Variants in TCF12 observed in about 807,000 individuals in gnomAD.
TCF12 encodes the protein transcription factor 12, also known as DNA-binding protein HTF4.
TCF12 carries 45 observed loss-of-function variants against 86.0 expected under a neutral mutation model. That is an observed-to-expected ratio of 0.52 (90% confidence interval 0.41 to 0.67). The LOEUF is 0.67. TCF12 is among the 30% of genes least tolerant of loss of function. The pLI is 0.00. For missense variants in TCF12, 881 were observed against 859.9 expected (o/e 1.02, Z -0.31); for synonymous variants, 330 against 299.6 (o/e 1.10, Z -1.05).
chr15:57,058,255 C>T (rs2068186114), intron 3 of TCF12, among the ~76,000 whole-genome samples: 2 of 152,188 alleles, frequency 1.3e-5, no homozygotes, highest in Non-Finnish European at 2.9e-5. Context: ...TGGCCCTGTA[C>T]TCTTACTTCT....
In TCF12 at chr15:56,932,561, A is replaced by AATT. The variant is rs149263796; in HGVS notation, c.148+11482_148+11484dup. ...AAAGTGCTTCAAGATTTATTTATTT[A>AATT]ATTATTATTATTATTATTATTTTGG... On this transcript the variant is annotated intron_variant, in intron 3 of 20. Coordinates refer to ENST00000333725, the MANE Select transcript of TCF12 (RefSeq NM_207037.2). 7.3e-5 allele frequency among the ~76,000 whole-genome samples: 11 copies of AATT among 151,670 alleles called. No homozygotes were observed. The East Asian group carries it at 9.6e-4, about 13-fold the overall frequency.
At chr15:57,025,198 G>T (rs994194728) in intron 3 of TCF12, among the ~76,000 whole-genome samples, 2 of 152,006 alleles carry the variant, frequency 1.3e-5, no homozygotes, top group African/African-American at 4.8e-5. Context: ...TTTTGCCTCA[G>T]CCTCCCTAGT....
At chr15:57,189,036 G>T (rs2056838748) in intron 6 of TCF12, among the ~76,000 whole-genome samples, 1 of 152,166 alleles carries the variant, frequency 6.6e-6, no homozygotes, top group Non-Finnish European at 1.5e-5. Flanking sequence ...AGATCTTCCT[G>T]CCTCAGCTTC....
chr15:56,930,479 C>G lies in TCF12; in HGVS notation c.148+9381C>G, dbSNP rs146210803. 5.4e-3 allele frequency among the ~76,000 whole-genome samples: 822 copies of G among 152,248 alleles called. 4 individuals carry two copies. The highest frequency in any genetic ancestry group is 0.019 in the African/African-American group (771 of 41,548). On this transcript the variant is annotated intron_variant, in intron 3 of 20. Coordinates refer to ENST00000333725, the MANE Select transcript of TCF12 (RefSeq NM_207037.2). ...AACTTTGTCATGTGGTCCGGAGGCC[C>G]ATTTACTTAATCTACTTGGTACTGA...
At chr15:56,972,624 A>G (rs2062396076) in intron 3 of TCF12, among the ~76,000 whole-genome samples, 1 of 152,196 alleles carries the variant, frequency 6.6e-6, no homozygotes. Flanking sequence ...AACCACAGAC[A>G]CAGTTAGTAG....
At chr15:56,963,624 T>C (rs1287057201) in intron 3 of TCF12, among the ~76,000 whole-genome samples, 1 of 152,220 alleles carries the variant, frequency 6.6e-6, no homozygotes, top group Non-Finnish European at 1.5e-5. Flanking sequence ...TTTTATTTCA[T>C]TGGCTTTCAT....
chr15:56,925,862 A>G (rs543040929), intron 3 of TCF12, among the ~76,000 whole-genome samples: 2 of 152,250 alleles, frequency 1.3e-5, no homozygotes, highest in Non-Finnish European at 2.9e-5. Flanking sequence ...CAAACACTTA[A>G]ATATATTCAA....
chr15:57,207,148 T>G (rs2057864183), intron 8 of TCF12, among the ~76,000 whole-genome samples: 1 of 152,062 alleles, frequency 6.6e-6, no homozygotes, highest in South Asian at 2.1e-4. Flanking sequence ...TAAAGATAGT[T>G]GCTGGCAGCT....
At chr15:57,234,285 A>C (rs184441144) in intron 12 of TCF12, among the ~76,000 whole-genome samples, 178 bp downstream of exon 12, 1 of 152,322 alleles carries the variant, frequency 6.6e-6, no homozygotes, top group East Asian at 1.9e-4. Context: ...TGCCTGTGGT[A>C]CAGCAAATGC....
At chr15:57,245,572 A>G (rs748572789) in intron 13 of TCF12, among the ~76,000 whole-genome samples, 1 of 152,180 alleles carries the variant, frequency 6.6e-6, no homozygotes, top group African/African-American at 2.4e-5. Context: ...TTTGGTTTTA[A>G]TGAACACTGA....
intron 3 of TCF12, among the ~76,000 whole-genome samples, chr15:56,941,557 T>A (rs1339169465): frequency 6.6e-6 from 1 of 151,936 alleles, no homozygotes; most frequent in Non-Finnish European, 1.5e-5. Flanking sequence ...TATTTTTCAG[T>A]AGAGACAGGG....
At chr15:56,981,106 A>G (rs776772548) in intron 3 of TCF12, among the ~76,000 whole-genome samples, 15 of 152,236 alleles carry the variant, frequency 9.9e-5, no homozygotes, top group Non-Finnish European at 2.1e-4. Context: ...TGTGGGGGAC[A>G]CTACATTTAT....
chr15:57,063,776 T>C lies in TCF12; in HGVS notation c.175T>C (p.Ser59Pro). Residue 59 changes from serine (S) to proline (P), a missense_variant, in exon 4 of 21, where the codon TCT becomes CCT. Coordinates refer to ENST00000333725, the MANE Select transcript of TCF12 (RefSeq NM_207037.2). ...SGIDERGGTT[S>P]WGTSGQPSPS... is the part of the protein sequence containing the mutation. ...TATTGATGAAAGAGGAGGTACAACA[T>C]CTTGGGGAACAAGTGGTCAACCAAG... 6.2e-7 allele frequency: 1 copy of C among 1,603,686 alleles called. No individual in the cohort carries two copies. The highest frequency in any genetic ancestry group is 8.5e-7 in the Non-Finnish European group (1 of 1,172,082).
At chr15:57,012,303 A>G (rs16977196) in intron 3 of TCF12, among the ~76,000 whole-genome samples, 2,080 of 152,318 alleles carry the variant, frequency 0.014, 58 homozygotes, top group African/African-American at 0.044. Context: ...TAATAGATAT[A>G]TACACTGAGA....
At chr15:57,157,043 C>T (rs1431713889) in intron 5 of TCF12, among the ~76,000 whole-genome samples, 4 of 152,148 alleles carry the variant, frequency 2.6e-5, no homozygotes, top group African/African-American at 9.7e-5. Flanking sequence ...AATTTGTTCC[C>T]TCTATCTTCC....
intron 5 of TCF12, among the ~76,000 whole-genome samples, chr15:57,099,133 A>G (rs144989505): frequency 2.6e-4 from 39 of 152,226 alleles, no homozygotes; most frequent in Middle Eastern, 3.4e-3. Flanking sequence ...TCCTGGCAGT[A>G]TCGTCTTTTT....
intron 3 of TCF12, among the ~76,000 whole-genome samples, chr15:56,965,116 C>T (rs1467885280): frequency 1.3e-5 from 2 of 152,166 alleles, no homozygotes; most frequent in African/African-American, 2.4e-5. Flanking sequence ...ACTAAAGGCA[C>T]TAGCACTTAA....
intron 5 of TCF12, among the ~76,000 whole-genome samples, chr15:57,127,200 C>A (rs1407386346): frequency 1.3e-5 from 2 of 152,066 alleles, no homozygotes; most frequent in African/African-American, 2.4e-5. Context: ...CCAGGCTGGT[C>A]TCGAACTCCT....
chr15:56,994,622 C>T (rs1183456125), intron 3 of TCF12, among the ~76,000 whole-genome samples: 2 of 151,924 alleles, frequency 1.3e-5, no homozygotes, highest in African/African-American at 4.8e-5. Flanking sequence ...CTAATGACTT[C>T]AGATTTTACA....
Sources: gnomAD v4.1 joint callset for allele counts (sites outside exome capture counted in the v4.1 genomes callset) on GRCh38, gnomAD v4.1.1 for gene constraint, MANE v1.5 for transcripts, NCBI Gene and HGNC (gene_info 2026-07-23, HGNC 2026-07-21) for gene names.